CNBD1: variants seen among roughly 807,000 people sequenced by gnomAD.
CNBD1 encodes the protein cyclic nucleotide-binding domain-containing protein 1.
In CNBD1, 71 loss-of-function variants were observed where a neutral mutation model predicts 54.4. That is an observed-to-expected ratio of 1.30 (90% CI 1.08 to 1.59). The LOEUF is 1.59. Among genes scored for constraint, CNBD1 ranks in the 40% most tolerant of loss-of-function variants. CNBD1 has a pLI of 0.00. For missense variants in CNBD1, 659 were observed against 518.0 expected, an observed-to-expected ratio of 1.27 and a Z score of -2.64; for synonymous variants, 182 against 170.7, an observed-to-expected ratio of 1.07 and a Z score of -0.51.
At chr8:87,243,957 T>C (rs1586359103) in intron 6 of CNBD1, among the ~76,000 whole-genome samples, 1 of 152,152 alleles carries the variant, frequency 6.6e-6, no homozygotes, top group East Asian at 1.9e-4. Flanking sequence ...AAATTTTGTA[T>C]AAATTTATGG....
At chr8:86,944,330 A>G (rs1369259672) in intron 4 of CNBD1, among the ~76,000 whole-genome samples, 3 of 152,182 alleles carry the variant, frequency 2.0e-5, no homozygotes, top group African/African-American at 4.8e-5. Context: ...GGAACACACA[A>G]TATCTTTGCC....
chr8:87,322,099 C>T (rs1187804106), intron 8 of CNBD1, among the ~76,000 whole-genome samples: 3 of 125,272 alleles, frequency 2.4e-5, no homozygotes, highest in Admixed American at 7.7e-5. Flanking sequence ...TGATGATTTC[C>T]AGTTTAATCC....
intron 5 of CNBD1, among the ~76,000 whole-genome samples, chr8:87,226,038 G>A (rs1282400365): frequency 1.3e-5 from 2 of 151,746 alleles, no homozygotes; most frequent in African/African-American, 2.4e-5. Flanking sequence ...AGAGGTGTTT[G>A]TAGTATTCTC....
chr8:86,920,583 C>G (rs1383862178), intron 3 of CNBD1, among the ~76,000 whole-genome samples: 1 of 152,164 alleles, frequency 6.6e-6, no homozygotes, highest in Non-Finnish European at 1.5e-5. Context: ...ACTCCACTGG[C>G]TACTCTCTAA....
intron 4 of CNBD1, among the ~76,000 whole-genome samples, chr8:87,040,798 A>T (rs920141712): frequency 2.0e-5 from 3 of 151,078 alleles, no homozygotes; most frequent in Non-Finnish European, 4.4e-5. Context: ...TTGAATATTT[A>T]ATTTATTTTT....
At position 87,137,113 on chromosome 8, in the gene CNBD1, AT is replaced by A. The variant is rs1217059085; in HGVS notation, c.432-68878del. On this transcript the variant is annotated intron_variant, in intron 4 of 10. Coordinates refer to ENST00000518476, the MANE Select transcript of CNBD1 (RefSeq NM_173538.3). Reference sequence around the variant, plus strand: ...TTTATATTATATGTAAATTATATATATTATATTTTTATTATATATAAATTAT... The same window carrying A: ...TTTATATTATATGTAAATTATATATATATATTTTTATTATATATAAATTAT... Among the ~76,000 whole-genome samples the A allele has an allele frequency of 9.1e-3, 527 of 58,166 alleles. 2 individuals carry two copies. The highest frequency in any genetic ancestry group is 0.012 in the Non-Finnish European group (392 of 31,424). 38.2% of individuals were successfully genotyped at this position (58,166 alleles called of 152,430 possible).
At chr8:86,962,777 C>T (rs1807964231) in intron 4 of CNBD1, among the ~76,000 whole-genome samples, 2 of 151,648 alleles carry the variant, frequency 1.3e-5, no homozygotes, top group South Asian at 2.1e-4. Context: ...CAGAGCAAGA[C>T]TCCATCTCAA....
At chr8:86,983,304 G>A (rs887345125) in intron 4 of CNBD1, among the ~76,000 whole-genome samples, 5 of 152,112 alleles carry the variant, frequency 3.3e-5, no homozygotes, top group Admixed American at 6.5e-5. Context: ...GATTGAGGCC[G>A]TGTGGAACTT....
chr8:87,402,029 G>C (rs1807575052), intron 2 of CNBD1, among the ~76,000 whole-genome samples: 1 of 152,070 alleles, frequency 6.6e-6, no homozygotes, highest in African/African-American at 2.4e-5. Flanking sequence ...AGAAAAAGAG[G>C]TATAAAGTAC....
At chr8:87,362,180 C>T (rs1287951857) in intron 10 of CNBD1, among the ~76,000 whole-genome samples, 2 of 152,072 alleles carry the variant, frequency 1.3e-5, no homozygotes, top group African/African-American at 2.4e-5. Context: ...CACTGCAATG[C>T]CTGTGAGGAG....
At chr8:87,118,575 G>T (rs1811825198) in intron 4 of CNBD1, among the ~76,000 whole-genome samples, 1 of 152,134 alleles carries the variant, frequency 6.6e-6, no homozygotes, top group Non-Finnish European at 1.5e-5. Context: ...GAGCAAAGAG[G>T]TTAGTAGGTA....
At chr8:87,283,724 T>TC (rs2130869026) in intron 6 of CNBD1, among the ~76,000 whole-genome samples, 1 of 152,166 alleles carries the variant, frequency 6.6e-6, no homozygotes, top group Non-Finnish European at 1.5e-5. Context: ...GGGGCAATCC[T>TC]CCAAGTTCCT....
intron 6 of CNBD1, among the ~76,000 whole-genome samples, chr8:87,253,648 G>C (rs1308103705): frequency 1.3e-5 from 2 of 152,102 alleles, no homozygotes; most frequent in African/African-American, 4.8e-5. Flanking sequence ...TGAAGGAATT[G>C]TTTTAAGAAG....
At chr8:87,423,115 C>A (rs982086716) in intron 2 of CNBD1, among the ~76,000 whole-genome samples, 1 of 152,062 alleles carries the variant, frequency 6.6e-6, no homozygotes, top group African/African-American at 2.4e-5. Flanking sequence ...GATTTTTGCA[C>A]ATTGATTTTG....
intron 10 of CNBD1, among the ~76,000 whole-genome samples, chr8:87,370,469 G>A (rs1046948723): frequency 2.0e-5 from 3 of 152,080 alleles, no homozygotes; most frequent in Non-Finnish European, 4.4e-5. Context: ...GCATTTCTCT[G>A]ATGGCCAGTG....
intron 4 of CNBD1, among the ~76,000 whole-genome samples, chr8:86,999,124 A>G (rs974798656): frequency 3.3e-5 from 5 of 152,204 alleles, no homozygotes; most frequent in Non-Finnish European, 5.9e-5. Context: ...CGGAAGAGTG[A>G]CCGAAGGGCA....
chr8:87,320,920 A>G (rs1809512038), intron 8 of CNBD1, among the ~76,000 whole-genome samples: 1 of 152,212 alleles, frequency 6.6e-6, no homozygotes. Flanking sequence ...TGCTATCAAT[A>G]TGGCTATTTT....
intron 4 of CNBD1, among the ~76,000 whole-genome samples, chr8:87,003,682 G>A (rs1809038626): frequency 6.6e-6 from 1 of 152,128 alleles, no homozygotes; most frequent in Admixed American, 6.5e-5. Context: ...TAGAGGATAT[G>A]AGAAGCCAAA....
rs1190062568 is a variant in CNBD1 at position 87,284,766 on chromosome 8, A to G, written c.860A>G (p.Asp287Gly). Residue 287 changes from aspartate to glycine, a missense_variant, in exon 7 of 11, where the codon GAT becomes GGT. By Grantham distance (94) the Asp-to-Gly change is moderately conservative. Transcript: ENST00000518476. ...ATGTTCTCGGTGGTGACAGAAGACGATTGTGAAATTCTTAAAATCCCAGCA... is the reference window on the plus strand; with the variant it reads ...ATGTTCTCGGTGGTGACAGAAGACGGTTGTGAAATTCTTAAAATCCCAGCA... ...TQMFSVVTEDDCEILKIPAKG... is the reference protein window; with the variant it reads ...TQMFSVVTEDGCEILKIPAKG... 3 of 1,585,770 alleles carry G rather than the reference A, an allele frequency of 1.9e-6. No homozygotes were observed. Among genetic ancestry groups the G allele is most frequent in the Non-Finnish European group, 8.6e-7 (1 of 1,165,950 alleles).
Sources: gnomAD v4.1 joint callset for allele counts (sites outside exome capture counted in the v4.1 genomes callset) on GRCh38, gnomAD v4.1.1 for gene constraint, MANE v1.5 for transcripts, NCBI Gene and HGNC (gene_info 2026-07-23, HGNC 2026-07-21) for gene names.